The following COP1 variants were observed in gnomAD, a reference collection of about 807,000 sequenced individuals.
COP1 encodes E3 ubiquitin-protein ligase COP1.
COP1 carries 24 observed loss-of-function variants against 101.3 expected under a neutral mutation model. The ratio of observed to expected loss-of-function variants is 0.24; its 90% CI spans 0.17 to 0.33. The LOEUF (loss-of-function observed/expected upper bound fraction) is 0.33. COP1 is among the 10% of genes least tolerant of loss of function. The probability of loss-of-function intolerance (pLI) is 1.00; values close to 1 mark genes in which losing one functional copy is unlikely to be tolerated. For missense variants in COP1, 663 were observed against 906.2 expected (o/e 0.73, Z 3.45); for synonymous variants, 347 against 341.9 (o/e 1.01, Z -0.17).
At chr1:176,144,496 C>T (rs541882021) in intron 6 of COP1, among the ~76,000 whole-genome samples, 17 of 152,226 alleles carry the variant, frequency 1.1e-4, no homozygotes, top group African/African-American at 4.1e-4. Flanking sequence ...TGTAAATACA[C>T]AGTCTCCCAG....
intron 14 of COP1, among the ~76,000 whole-genome samples, chr1:176,035,289 T>C (rs1000753718): frequency 4.6e-5 from 7 of 151,814 alleles, no homozygotes; most frequent in African/African-American, 1.7e-4. Flanking sequence ...TGAAAATTTT[T>C]GCAAAATGGA....
chr1:176,091,385 T>C (rs1403344625), intron 9 of COP1, among the ~76,000 whole-genome samples: 1 of 150,314 alleles, frequency 6.7e-6, no homozygotes, highest in East Asian at 1.9e-4. Flanking sequence ...TGAAGTTGTG[T>C]ACTTGAATAA....
intron 11 of COP1, among the ~76,000 whole-genome samples, chr1:176,061,255 CAA>C (rs1436676245): frequency 1.3e-5 from 2 of 152,088 alleles, no homozygotes; most frequent in African/African-American, 4.8e-5. Context: ...TCATTTTAAA[CAA>C]AGATGCCAAC....
At chr1:176,021,122 C>T (rs1158512427) in intron 15 of COP1, among the ~76,000 whole-genome samples, 2 of 152,122 alleles carry the variant, frequency 1.3e-5, no homozygotes, top group Non-Finnish European at 2.9e-5. Flanking sequence ...GTTGGGATTA[C>T]CAGGTGTGAG....
intron 8 of COP1, among the ~76,000 whole-genome samples, chr1:176,130,071 C>A (rs959795723): frequency 2.6e-5 from 4 of 151,656 alleles, no homozygotes; most frequent in African/African-American, 9.7e-5. Flanking sequence ...CATATAACGT[C>A]CACCCAGTTT....
intron 8 of COP1, among the ~76,000 whole-genome samples, chr1:176,119,665 T>C (rs1033400359): frequency 4.0e-5 from 6 of 150,898 alleles, no homozygotes; most frequent in African/African-American, 9.8e-5. Flanking sequence ...CACACACACA[T>C]ATAGAAAAGA....
At chr1:176,178,878 G>A (rs1289089812) in intron 2 of COP1, among the ~76,000 whole-genome samples, 2 of 151,524 alleles carry the variant, frequency 1.3e-5, no homozygotes, top group Non-Finnish European at 2.9e-5. Flanking sequence ...CCAAAAAAAG[G>A]TAAGAGACAT....
chr1:176,108,870 T>C (rs949262296), intron 9 of COP1, among the ~76,000 whole-genome samples: 1 of 152,022 alleles, frequency 6.6e-6, no homozygotes, highest in African/African-American at 2.4e-5. Flanking sequence ...TCCCAGCACT[T>C]TGGGAGGCAG....
At chr1:176,114,176 T>C (rs577646065) in intron 9 of COP1, among the ~76,000 whole-genome samples, 3 of 152,266 alleles carry the variant, frequency 2.0e-5, no homozygotes, top group African/African-American at 7.2e-5. Context: ...GTTCCTACGG[T>C]ATATTTCAAT....
At chr1:176,076,962 T>C (rs1288513634) in intron 11 of COP1, among the ~76,000 whole-genome samples, 1 of 152,066 alleles carries the variant, frequency 6.6e-6, no homozygotes, top group African/African-American at 2.4e-5. Flanking sequence ...GTTCAGAAAT[T>C]GAATCAGTAA....
chr1:176,190,725 T>C (rs1363768111), intron 1 of COP1, among the ~76,000 whole-genome samples: 2 of 151,986 alleles, frequency 1.3e-5, no homozygotes, highest in African/African-American at 4.8e-5. Flanking sequence ...GCATCCAAAC[T>C]TATTAAGTGA....
At chr1:175,970,160 A>G (rs1652951309) in intron 18 of COP1, among the ~76,000 whole-genome samples, 1 of 152,188 alleles carries the variant, frequency 6.6e-6, no homozygotes, top group African/African-American at 2.4e-5. Context: ...ATAACAAACA[A>G]TTCAAGATGA....
intron 1 of COP1, among the ~76,000 whole-genome samples, chr1:176,188,409 T>A (rs1698728949): frequency 6.6e-6 from 1 of 152,120 alleles, no homozygotes; most frequent in Admixed American, 6.5e-5. Flanking sequence ...AGAACAAGAA[T>A]ATACCAACAG....
chr1:176,025,427 T>A, intron 15 of COP1, among the ~76,000 whole-genome samples: 1 of 129,162 alleles, frequency 7.7e-6, no homozygotes, highest in South Asian at 2.4e-4. Context: ...AAAACAAATA[T>A]CCAAATATGA....
intron 15 of COP1, among the ~76,000 whole-genome samples, chr1:176,001,821 T>C (rs143383788): frequency 2.0e-5 from 3 of 152,252 alleles, no homozygotes; most frequent in East Asian, 3.9e-4. Context: ...TCTGGGAATA[T>C]CTTAATTCCC....
intron 3 of COP1, among the ~76,000 whole-genome samples, chr1:176,175,135 A>G (rs1696736973): frequency 6.6e-6 from 1 of 152,076 alleles, no homozygotes; most frequent in African/African-American, 2.4e-5. Flanking sequence ...ATTCACTCCC[A>G]ACTCAGCAAG....
At chr1:175,968,609 T>G (rs146741733) in intron 18 of COP1, 81 of 427,990 alleles carry the variant, frequency 1.9e-4, no homozygotes, top group African/African-American at 1.5e-3. Context: ...ACTAACTGCA[T>G]CAAATTCTCA....
intron 11 of COP1, among the ~76,000 whole-genome samples, chr1:176,071,424 G>A (rs1044599885): frequency 2.6e-5 from 4 of 152,048 alleles, no homozygotes; most frequent in Non-Finnish European, 4.4e-5. Flanking sequence ...ATAGCAAGGC[G>A]AGAACAGCCT....
intron 1 of COP1, among the ~76,000 whole-genome samples, chr1:176,205,828 G>A (rs997357027): frequency 1.3e-5 from 2 of 152,158 alleles, no homozygotes; most frequent in Non-Finnish European, 1.5e-5. Context: ...AGAAGTTCCA[G>A]TATACTCTGT....
Sources: allele counts gnomAD v4.1 joint callset (sites outside exome capture counted in the v4.1 genomes callset), GRCh38; gene constraint gnomAD v4.1.1; transcripts MANE v1.5; gene names NCBI Gene and HGNC (gene_info 2026-07-23, HGNC 2026-07-21).